DHX30: variants seen among roughly 807,000 people sequenced by gnomAD.
DHX30 encodes ATP-dependent RNA helicase DHX30.
Under a neutral mutation model 116.9 loss-of-function variants are expected in DHX30, and 4 were observed. That is an observed-to-expected ratio of 0.03 (90% CI 0.02 to 0.08). DHX30 has a LOEUF of 0.08. Among genes scored for constraint, DHX30 ranks in the 10% least tolerant of loss-of-function variants. The pLI is 1.00. For synonymous variants in DHX30, 697 were observed against 651.7 expected, an observed-to-expected ratio of 1.07 and a Z score of -1.06; for missense variants, 871 against 1,595.1, an observed-to-expected ratio of 0.55 and a Z score of 7.73.
rs755074414 is a variant in DHX30 at position 47,848,232 on chromosome 3, G to A, written c.2339G>A (p.Arg780Gln). ...WVSRANVIQRRGRAGRCQSGF... is the reference protein window; with the variant it reads ...WVSRANVIQRQGRAGRCQSGF... ...TCAAGAGCCAATGTGATCCAGCGCC[G>A]GGGCCGGGCGGGCCGCTGCCAGTCC... The change falls in exon 15 of 22, where the codon CGG becomes CAG. Residue 780 changes from arginine to glutamine, a missense_variant. Arg to Gln is a conservative substitution (Grantham distance 43). Around this residue, in one of 13 missense-constraint regions of DHX30, gnomAD observed 20 missense variants for 82.2 expected, o/e 0.24. Transcript: ENST00000445061. This position sits in a 1 kb window ranked among gnomAD's most constrained non-coding sequence, Gnocchi z 9.4. The A allele has an allele frequency of 1.2e-5, 19 of 1,613,280 alleles. No homozygotes were observed. In the African/African-American group the frequency reaches 1.3e-4, roughly 11 times the overall value.
intron 6 of DHX30, among the ~76,000 whole-genome samples, chr3:47,832,130 C>CT (rs2036889564): frequency 6.7e-6 from 1 of 149,240 alleles, no homozygotes; most frequent in Admixed American, 6.7e-5. Context: ...AGGCTGGTCT[C>CT]TAATTCCTGG....
chr3:47,821,308 C>T (rs920730380), intron 4 of DHX30, among the ~76,000 whole-genome samples: 15 of 151,348 alleles, frequency 9.9e-5, no homozygotes, highest in Admixed American at 4.6e-4. Flanking sequence ...TCTTGTTGCC[C>T]AGGTGGGAGT....
intron 1 of DHX30, among the ~76,000 whole-genome samples, chr3:47,804,946 C>T (rs756495182): frequency 6.6e-6 from 1 of 152,142 alleles, no homozygotes; most frequent in Non-Finnish European, 1.5e-5. Flanking sequence ...GTTATTTTCC[C>T]AATCTTGAAG....
intron 4 of DHX30, among the ~76,000 whole-genome samples, chr3:47,823,359 T>G (rs1427838599): frequency 2.1e-5 from 3 of 145,174 alleles, no homozygotes; most frequent in Non-Finnish European, 3.0e-5. Context: ...TGGTTGTTGT[T>G]TTTTTTTTTT....
chr3:47,845,733 C>T lies in DHX30; in HGVS notation c.973C>T (p.Leu325Phe). The T allele has an allele frequency of 6.2e-7, 1 of 1,609,192 alleles. No homozygotes were observed. The highest frequency in any genetic ancestry group is 1.7e-5 in the Admixed American group (1 of 59,908). The change falls in exon 10 of 22, where the codon CTT becomes TTT. Residue 325 changes from leucine (L) to phenylalanine (F), a missense_variant. This residue lies in a region of DHX30 where 175 missense variants were observed against 292.9 expected (regional missense o/e 0.60). Transcript: ENST00000445061. Reference sequence around the variant, plus strand: ...CCTGGTGGACAGGAACAACGAACCGCTTACACACGCCATGTATAACCTGGC... The same window carrying T: ...CCTGGTGGACAGGAACAACGAACCGTTTACACACGCCATGTATAACCTGGC... The part of the protein sequence containing the change: ...LGLVDRNNEP[L>F]THAMYNLASL...
rs779962877 is a variant in DHX30 at position 47,847,816 on chromosome 3, A to G, written c.2146A>G (p.Ile716Val). The G allele has an allele frequency of 5.1e-5, 82 of 1,614,078 alleles. No homozygotes were observed. The highest frequency in any genetic ancestry group is 3.3e-5 in the Admixed American group (2 of 60,008). The change falls in exon 14 of 22, where the codon ATA (isoleucine) becomes GTA (valine). Residue 716 changes from isoleucine (I) to valine (V), a missense_variant. Ile to Val is a conservative substitution (Grantham distance 29, BLOSUM62 3). Around this residue, in one of 13 missense-constraint regions of DHX30, gnomAD observed 49 missense variants for 60.9 expected, o/e 0.80. Transcript: ENST00000445061. The surrounding 1 kb of genome is among the most constrained non-coding windows in gnomAD (Gnocchi z 5.5). ...SNIPMMDQKA[I>V]FQQPPVGVRK... ...CATCCCCATGATGGATCAGAAGGCC[A>G]TATTCCAGCAGCCTCCAGTTGGGGT...
chr3:47,805,858 A>T lies in DHX30; in HGVS notation c.-28+438A>T, dbSNP rs558446800. 2.2e-3 allele frequency among the ~76,000 whole-genome samples: 340 copies of T among 152,152 alleles called. 5 individuals are homozygous for T. In the Middle Eastern group the frequency reaches 0.027, roughly 12 times the overall value. ...GCCCAGCCAGAAGGGTATCATTTTT[A>T]GTCATTGTGGAGTCTCTGTCCTGGA... is the stretch of plus-strand genomic sequence containing the variant. On this transcript the variant is annotated intron_variant, in intron 2 of 21. Transcript: ENST00000445061.
At chr3:47,836,583 A>G (rs1214092481) in intron 6 of DHX30, among the ~76,000 whole-genome samples, 2 of 150,730 alleles carry the variant, frequency 1.3e-5, no homozygotes, top group Non-Finnish European at 3.0e-5. Flanking sequence ...CAGTGGCGCA[A>G]TCTCGGCTCA....
chr3:47,821,647 G>C (rs2036306039), intron 4 of DHX30, among the ~76,000 whole-genome samples: 1 of 152,002 alleles, frequency 6.6e-6, no homozygotes, highest in Non-Finnish European at 1.5e-5. Context: ...TGTCCAGGCT[G>C]GAGTGCAATG....
At chr3:47,825,369 T>C (rs2036506705) in intron 4 of DHX30, 1 of 523,342 alleles carries the variant, frequency 1.9e-6, no homozygotes, top group South Asian at 2.5e-5. Context: ...AGTGGCCAAG[T>C]TCGCCATCCG....
intron 6 of DHX30, among the ~76,000 whole-genome samples, chr3:47,838,059 G>A (rs919262729): frequency 6.6e-6 from 1 of 152,166 alleles, no homozygotes; most frequent in African/African-American, 2.4e-5. Context: ...GTCCTGCTGG[G>A]GAAGCCAGGC....
Position 47,841,007 on chromosome 3 carries a change from G to T in DHX30, c.497G>T (p.Arg166Leu), listed in dbSNP as rs760235118. ...PEPTMPPTSW[R>L]QLNPESIRPG... The stretch of plus-strand genomic sequence containing the variant: ...CCCACCATGCCCCCTACTTCCTGGC[G>T]GCAGCTGAATCCAGAGAGTATTCGA... Residue 166 changes from arginine to leucine, a missense_variant, in exon 7 of 22, where the codon CGG becomes CTG. Arg to Leu is a moderately radical substitution (Grantham distance 102). Coordinates refer to ENST00000445061, the MANE Select transcript of DHX30 (RefSeq NM_138615.3). The T allele has an allele frequency of 3.1e-6, 5 of 1,614,232 alleles. No homozygotes were observed. In the Admixed American group the frequency reaches 8.3e-5, roughly 27 times the overall value.
chr3:47,849,168 C>A, intron 18 of DHX30, 24 bp from the exon 19 acceptor site: 1 of 1,613,596 alleles, frequency 6.2e-7, no homozygotes, highest in Non-Finnish European at 8.5e-7. Context: ...GGCTGTAGGT[C>A]CACCACACAT....
chr3:47,824,201 C>T (rs2036431297), intron 4 of DHX30, among the ~76,000 whole-genome samples: 1 of 151,932 alleles, frequency 6.6e-6, no homozygotes, highest in Non-Finnish European at 1.5e-5. Flanking sequence ...TGGGGTTTCA[C>T]CATGTTGGCC....
chr3:47,816,241 C>T (rs912535753), intron 3 of DHX30: 1 of 984,866 alleles, frequency 1.0e-6, no homozygotes, highest in Admixed American at 6.2e-5. Context: ...GCAACTGCAA[C>T]TTTTTGACCA....
chr3:47,822,868 C>T (rs1389202087), intron 4 of DHX30, among the ~76,000 whole-genome samples: 2 of 151,400 alleles, frequency 1.3e-5, no homozygotes, highest in Admixed American at 1.3e-4. Context: ...CCAAGGAAGG[C>T]GAATCATGAG....
intron 6 of DHX30, among the ~76,000 whole-genome samples, chr3:47,836,867 G>A (rs1245794950): frequency 6.6e-6 from 1 of 152,124 alleles, no homozygotes; most frequent in African/African-American, 2.4e-5. Context: ...ATGAGATCTT[G>A]TTGTGGTTAT....
chr3:47,816,336 A>G (rs2036051836), intron 3 of DHX30: 1 of 984,258 alleles, frequency 1.0e-6, no homozygotes, highest in South Asian at 4.7e-5. Context: ...TGATGCTGCA[A>G]ATGTACAAAG....
At chr3:47,839,668 G>A (rs2037277561) in intron 6 of DHX30, among the ~76,000 whole-genome samples, 1 of 150,746 alleles carries the variant, frequency 6.6e-6, no homozygotes, top group South Asian at 2.1e-4. Flanking sequence ...GGGCTACATA[G>A]GTTTTTTTGT....
Sources: allele counts gnomAD v4.1 joint callset (sites outside exome capture counted in the v4.1 genomes callset), GRCh38; gene constraint gnomAD v4.1.1; regional missense constraint gnomAD v4.1.1; non-coding constraint Gnocchi (gnomAD v3.1); transcripts MANE v1.5; gene names NCBI Gene and HGNC (gene_info 2026-07-23, HGNC 2026-07-21).